The following HDGF variants were observed in gnomAD, a reference collection of about 807,000 sequenced individuals.
The protein encoded by HDGF is hepatoma-derived growth factor.
HDGF carries 5 observed loss-of-function variants against 30.0 expected under a neutral mutation model. The observed-to-expected ratio is 0.17, with a 90% CI of 0.09 to 0.35. The LOEUF is 0.35. Ranked by LOEUF, HDGF falls within the 10% of genes least tolerant of loss-of-function variation. HDGF has a pLI of 1.00. For synonymous variants in HDGF, 133 were observed against 112.7 expected (o/e 1.18, Z -1.14); for missense variants, 214 against 302.8 (o/e 0.71, Z 2.18).
upstream of HDGF, chr1:156,751,812 G>A (rs1216014192): frequency 2.8e-6 from 3 of 1,079,146 alleles, no homozygotes; most frequent in South Asian, 5.8e-5. The surrounding 1 kb of genome is among the most constrained non-coding windows in gnomAD (Gnocchi z 4.7). Context: ...TCCCGCGGCG[G>A]TTTGATGCGT....
chr1:156,765,514 G>C (rs1228756822), intron 1 of HDGF, among the ~76,000 whole-genome samples: 4 of 100,102 alleles, frequency 4.0e-5, no homozygotes, highest in Non-Finnish European at 7.2e-5. Context: ...TTGCACACTT[G>C]CCTGGGCTGG....
chr1:156,749,962 C>CG (rs1650851460), intron 1 of HDGF, among the ~76,000 whole-genome samples: 2 of 152,316 alleles, frequency 1.3e-5, no homozygotes, highest in South Asian at 4.1e-4. Flanking sequence ...AGAGTTGTAA[C>CG]GCAGAGAGTC....
chr1:156,762,270 A>G (rs1387325399), intron 1 of HDGF, among the ~76,000 whole-genome samples: 2 of 151,646 alleles, frequency 1.3e-5, no homozygotes, highest in Admixed American at 6.6e-5. Flanking sequence ...CAGGCCGAGC[A>G]TGGTGGCTCA....
chr1:156,744,811 G>A (rs1246105277), intron 3 of HDGF, among the ~76,000 whole-genome samples, 197 bp downstream of exon 3: 1 of 152,074 alleles, frequency 6.6e-6, no homozygotes, highest in Non-Finnish European at 1.5e-5. Flanking sequence ...TCTCACAGTT[G>A]TCCCTAACCA....
rs556376794 is a variant in HDGF at position 156,742,959 on chromosome 1, A to G, written c.*490T>C. 2.1e-4 allele frequency: 32 copies of G among 155,230 alleles called. No individual in the cohort carries two copies. Among genetic ancestry groups the G allele is most frequent in the Middle Eastern group, 1.9e-3 (1 of 514 alleles). 9.6% of individuals were successfully genotyped at this position (155,230 alleles called of 1,614,324 possible). A position where few individuals can be genotyped will look rare whatever the true frequency, so the allele number is the denominator to read the frequency against. On this transcript the variant is annotated 3_prime_UTR_variant, in exon 6 of 6. Coordinates refer to ENST00000357325, the MANE Select transcript of HDGF (RefSeq NM_004494.3). ...GGTGTAGCAGGGGACAGGAGCTCAG[A>G]AGGAGGCCGCCCTCCTGTGCTGCCC...
At chr1:156,758,407 C>T (rs1352415817) in intron 2 of HDGF, among the ~76,000 whole-genome samples, 4 of 151,648 alleles carry the variant, frequency 2.6e-5, no homozygotes, top group Non-Finnish European at 4.4e-5. Context: ...CTGGCTAACA[C>T]GGTGAAACTC....
At chr1:156,743,921 G>T in intron 4 of HDGF, 43 bp from the exon 5 acceptor site, 1 of 1,446,056 alleles carries the variant, frequency 6.9e-7, no homozygotes. Flanking sequence ...GCTGGAGAGG[G>T]AGGCCACCAG....
At chr1:156,743,920 G>T in intron 4 of HDGF, 42 bp from the exon 5 acceptor site, 1 of 1,468,740 alleles carries the variant, frequency 6.8e-7, no homozygotes, top group South Asian at 1.1e-5. Context: ...GGCTGGAGAG[G>T]GAGGCCACCA....
At chr1:156,765,095 C>CTTT (rs869251878) in intron 1 of HDGF, among the ~76,000 whole-genome samples, 2 of 140,088 alleles carry the variant, frequency 1.4e-5, no homozygotes, top group African/African-American at 2.6e-5. Context: ...CCCCCCCGCC[C>CTTT]TTTTTTTTTT....
At chr1:156,763,010 G>C (rs1177678598) in intron 1 of HDGF, among the ~76,000 whole-genome samples, 1 of 152,104 alleles carries the variant, frequency 6.6e-6, no homozygotes, top group Non-Finnish European at 1.5e-5. Context: ...TCTCTTAGAT[G>C]TGCCCAGCCA....
rs751664551 is a variant in HDGF at position 156,742,783 on chromosome 1, C to T, written c.*666G>A. 6.5e-6 allele frequency: 1 copy of T among 154,748 alleles called. No individual in the cohort carries two copies. Among genetic ancestry groups the T allele is most frequent in the Non-Finnish European group, 1.5e-5 (1 of 68,198 alleles). 9.6% of individuals were successfully genotyped at this position (154,748 alleles called of 1,614,324 possible). ...CTTGGCCCGAACAACTTGGAAGCCC[C>T]AAATTCTCTTGATGATTAACTACAA... On this transcript the variant is annotated 3_prime_UTR_variant, in exon 6 of 6. Transcript: ENST00000357325.
At chr1:156,756,903 C>T (rs1053864736), upstream of HDGF, among the ~76,000 whole-genome samples, 3 of 151,050 alleles carry the variant, frequency 2.0e-5, no homozygotes, top group African/African-American at 7.3e-5. Context: ...AGTGATTCTC[C>T]CACCACGGCC....
At chr1:156,754,536 A>G (rs34926833), upstream of HDGF, among the ~76,000 whole-genome samples, 3,420 of 152,350 alleles carry the variant, frequency 0.022, 54 homozygotes, top group Non-Finnish European at 0.036. Flanking sequence ...AGAGCTGCAG[A>G]AGGTCAGTTA....
upstream of HDGF, chr1:156,755,651 C>T (rs1170846163): frequency 6.6e-6 from 1 of 152,174 alleles, no homozygotes; most frequent in African/African-American, 2.4e-5. Flanking sequence ...ATTTCTTGGC[C>T]CAAGTTACAC....
intron 1 of HDGF, among the ~76,000 whole-genome samples, chr1:156,746,179 G>C (rs1650530994): frequency 6.6e-6 from 1 of 152,178 alleles, no homozygotes; most frequent in African/African-American, 2.4e-5. Flanking sequence ...CCTTTACAGT[G>C]CTTTCCCAGT....
At chr1:156,763,503 C>T (rs1651295230) in intron 1 of HDGF, among the ~76,000 whole-genome samples, 1 of 151,998 alleles carries the variant, frequency 6.6e-6, no homozygotes, top group Non-Finnish European at 1.5e-5. Context: ...TGTGAGCCAC[C>T]ATGTCCGGCC....
chr1:156,763,288 C>G (rs1346896005), intron 1 of HDGF, among the ~76,000 whole-genome samples: 1 of 151,988 alleles, frequency 6.6e-6, no homozygotes, highest in Non-Finnish European at 1.5e-5. Flanking sequence ...TCTCAGCTCA[C>G]TGCAACCTCT....
At chr1:156,748,072 G>C (rs530701079) in intron 1 of HDGF, among the ~76,000 whole-genome samples, 2 of 152,292 alleles carry the variant, frequency 1.3e-5, no homozygotes, top group African/African-American at 4.8e-5. Context: ...AGAGGGAAGA[G>C]AGAGGAAGAC....
chr1:156,761,076 G>T (rs1408039745), intron 1 of HDGF, among the ~76,000 whole-genome samples: 1 of 150,072 alleles, frequency 6.7e-6, no homozygotes, highest in Non-Finnish European at 1.5e-5. Context: ...ATTGGGAAGT[G>T]GAGGTTGGGG....
Sources: gnomAD v4.1 joint callset for allele counts (sites outside exome capture counted in the v4.1 genomes callset) on GRCh38, gnomAD v4.1.1 for gene constraint, Gnocchi (gnomAD v3.1) non-coding constraint, MANE v1.5 for transcripts, NCBI Gene and HGNC (gene_info 2026-07-23, HGNC 2026-07-21) for gene names.